PCDHA9: variants seen among roughly 807,000 people sequenced by gnomAD.
The protein encoded by PCDHA9 is protocadherin alpha 9, also known as protocadherin alpha-9.
A neutral mutation model predicts 62.0 loss-of-function variants in PCDHA9; 62 were observed. The observed-to-expected ratio is 1.00, with a 90% CI of 0.81 to 1.23. The LOEUF (loss-of-function observed/expected upper bound fraction) is 1.23, where lower values mean the gene tolerates loss of function less well. PCDHA9 is among the 50% of genes most tolerant of loss of function. The pLI is 0.00. For missense variants in PCDHA9, 1,205 were observed against 1,249.8 expected (o/e 0.96, Z 0.54); for synonymous variants, 557 against 567.6 (o/e 0.98, Z 0.27).
intron 1 of PCDHA9, among the ~76,000 whole-genome samples, chr5:140,881,608 C>T (rs1254695632): frequency 6.6e-6 from 1 of 152,154 alleles, no homozygotes; most frequent in Non-Finnish European, 1.5e-5. Flanking sequence ...ATATGATGTG[C>T]TTATTCAAAA....
Position 140,922,562 on chromosome 5 carries a change from T to A in PCDHA9, c.2395-56387T>A, listed in dbSNP as rs2080887973. Among the ~76,000 whole-genome samples, 4 of 152,188 alleles carry A rather than the reference T, an allele frequency of 2.6e-5. No individual in the cohort carries two copies. In the South Asian group the frequency reaches 8.3e-4, roughly 31 times the overall value. ...GGCAAGGTAAGGAGAAAAGTCAGGA[T>A]GACAAGTTGCCCTGTAGCCGCCAGT... On this transcript the variant is annotated intron_variant, in intron 1 of 3. Transcript: ENST00000532602.
At chr5:140,956,190 T>A (rs1441772845) in intron 1 of PCDHA9, among the ~76,000 whole-genome samples, 1 of 152,208 alleles carries the variant, frequency 6.6e-6, no homozygotes, top group Non-Finnish European at 1.5e-5. Flanking sequence ...CTATGCTGAA[T>A]AGGAGTGGTG....
In PCDHA9 at chr5:140,869,649, A is replaced by G. The variant is rs1446407712; in HGVS notation, c.2394+18760A>G. ...AAAATGAGTATTTTTCTTTAGATTC[A>G]CCAACAAATGGTAAGCAGATTAAAA... On this transcript the variant is annotated intron_variant, in intron 1 of 3. Transcript: ENST00000532602. 4.3e-6 allele frequency: 7 copies of G among 1,613,476 alleles called. No individual in the cohort carries two copies. In the African/African-American group the frequency reaches 6.7e-5, roughly 15 times the overall value.
intron 1 of PCDHA9, among the ~76,000 whole-genome samples, chr5:140,959,785 C>T (rs976645506): frequency 3.5e-4 from 53 of 152,280 alleles, no homozygotes; most frequent in African/African-American, 1.2e-3. Context: ...TGTATATTAA[C>T]ATGGCTAATT....
intron 1 of PCDHA9, among the ~76,000 whole-genome samples, chr5:140,872,744 C>T (rs1359908128): frequency 6.6e-6 from 1 of 152,086 alleles, no homozygotes; most frequent in African/African-American, 2.4e-5. Flanking sequence ...TCTAAACTTG[C>T]TAAAGACATG....
At chr5:140,863,966 A>G (rs1411552186) in intron 1 of PCDHA9, 1 of 154,822 alleles carries the variant, frequency 6.5e-6, no homozygotes, top group Non-Finnish European at 1.4e-5. Context: ...AGGCCACTGC[A>G]CTACAGCCTG....
chr5:140,899,513 C>T (rs4552682), intron 1 of PCDHA9, among the ~76,000 whole-genome samples: 7,065 of 152,042 alleles, frequency 0.046, 286 homozygotes, highest in African/African-American at 0.11. Flanking sequence ...GCATATATTG[C>T]ATCCCAGGGA....
At chr5:140,976,691 C>G (rs1219355793) in intron 1 of PCDHA9, among the ~76,000 whole-genome samples, 1 of 152,126 alleles carries the variant, frequency 6.6e-6, no homozygotes. Context: ...AATTTAAGTA[C>G]AATAATGTTG....
chr5:140,851,850 C>T (rs2042178583), intron 1 of PCDHA9: 1 of 971,904 alleles, frequency 1.0e-6, no homozygotes, highest in South Asian at 4.8e-5. Context: ...TTTTTCTCCT[C>T]TCAGCTCATA....
chr5:140,907,365 G>A (rs782137145), intron 1 of PCDHA9, among the ~76,000 whole-genome samples: 20 of 152,178 alleles, frequency 1.3e-4, no homozygotes, highest in African/African-American at 2.4e-4. Flanking sequence ...TTCTTTAGTC[G>A]TAAAGTGAGT....
intron 1 of PCDHA9, chr5:140,861,364 C>T (rs1581608735): frequency 2.8e-6 from 1 of 356,870 alleles, no homozygotes; most frequent in South Asian, 2.7e-5. Flanking sequence ...AGCGTCTTCG[C>T]GGTCCCTATT....
At position 140,853,772 on chromosome 5, in the gene PCDHA9, T is replaced by C. The variant is rs1315934965; in HGVS notation, c.2394+2883T>C. 8 of 988,006 alleles carry C rather than the reference T, an allele frequency of 8.1e-6. No homozygotes were observed. The African/African-American group carries it at 1.4e-4, about 17-fold the overall frequency. 61.2% of individuals were successfully genotyped at this position (988,006 alleles called of 1,614,324 possible). On this transcript the variant is annotated intron_variant, in intron 1 of 3. Coordinates refer to ENST00000532602, the MANE Select transcript of PCDHA9 (RefSeq NM_031857.2). Reference sequence around the variant, plus strand: ...AGGCTCCACCTCAGAAATTCTGAAATGGGTAGTAAGAGCAAATTTTCATTT... The same window carrying C: ...AGGCTCCACCTCAGAAATTCTGAAACGGGTAGTAAGAGCAAATTTTCATTT...
At chr5:140,965,195 T>C (rs1368041910) in intron 1 of PCDHA9, among the ~76,000 whole-genome samples, 3 of 152,198 alleles carry the variant, frequency 2.0e-5, no homozygotes, top group Admixed American at 6.5e-5. Context: ...CATGAGGCAA[T>C]AGATTTCAAA....
intron 1 of PCDHA9, chr5:140,855,837 C>A (rs2043640312): frequency 3.3e-6 from 2 of 610,842 alleles, no homozygotes; most frequent in Non-Finnish European, 5.6e-6. Flanking sequence ...ATCGTACTTA[C>A]ACCTAAAGCC....
At chr5:140,854,796 A>G (rs1379187736) in intron 1 of PCDHA9, 2 of 149,770 alleles carry the variant, frequency 1.3e-5, no homozygotes, top group African/African-American at 4.9e-5. Flanking sequence ...TTGAGAGAGA[A>G]AAAAATATTT....
chr5:140,857,868 C>T (rs782242383), intron 1 of PCDHA9: 2 of 1,597,584 alleles, frequency 1.3e-6, no homozygotes, highest in South Asian at 1.1e-5. Flanking sequence ...GCGTGGCTGT[C>T]GTATGAATTG....
At chr5:140,884,433 G>C in intron 1 of PCDHA9, 1 of 1,613,908 alleles carries the variant, frequency 6.2e-7, no homozygotes, top group Non-Finnish European at 8.5e-7. Context: ...ACTGCGCTGC[G>C]GTGCTCGGCA....
Position 141,009,632 on chromosome 5 carries a change from G to A in PCDHA9, c.2548G>A (p.Glu850Lys). 1 of 1,613,032 alleles carries A rather than the reference G, an allele frequency of 6.2e-7. No individual in the cohort carries two copies. Among genetic ancestry groups the A allele is most frequent in the Non-Finnish European group, 8.5e-7 (1 of 1,179,354 alleles). The change falls in exon 4 of 4, where the codon GAG (glutamate) becomes AAG (lysine). Residue 850 changes from glutamate to lysine, a missense_variant. This residue lies in a region of PCDHA9 where 887 missense variants were observed against 809.5 expected (regional missense o/e 1.10). Transcript: ENST00000532602. The stretch of plus-strand genomic sequence containing the variant: ...TGTAATGTTTTGTCTTTCAGAACCA[G>A]AGGCAGGAGAAGTGTCCCCTCCAGT... ...PTVSSATPEP[E>K]AGEVSPPVGA...
At chr5:141,001,624 CG>C (rs1335079944) in intron 3 of PCDHA9, among the ~76,000 whole-genome samples, 1 of 151,678 alleles carries the variant, frequency 6.6e-6, no homozygotes, top group African/African-American at 2.4e-5. Context: ...AAAGGACTGG[CG>C]GGGGTTGGGG....
Sources: allele counts gnomAD v4.1 joint callset (sites outside exome capture counted in the v4.1 genomes callset), GRCh38; gene constraint gnomAD v4.1.1; regional missense constraint gnomAD v4.1.1; transcripts MANE v1.5; gene names NCBI Gene and HGNC (gene_info 2026-07-23, HGNC 2026-07-21).